AGBL4: variants seen among roughly 807,000 people sequenced by gnomAD.
The protein encoded by AGBL4 is cytosolic carboxypeptidase 6.
AGBL4 carries 58 observed loss-of-function variants against 66.4 expected under a neutral mutation model. That is an observed-to-expected ratio of 0.87 (90% CI 0.71 to 1.09). The LOEUF (loss-of-function observed/expected upper bound fraction) is 1.09, where lower values mean the gene tolerates loss of function less well. AGBL4 is among the 50% of genes least tolerant of loss of function. AGBL4 has a pLI of 0.00. For missense variants in AGBL4, 579 were observed against 631.0 expected, an observed-to-expected ratio of 0.92 and a Z score of 0.88; for synonymous variants, 234 against 222.9, an observed-to-expected ratio of 1.05 and a Z score of -0.44.
At chr1:49,750,394 ATGGT>A in intron 2 of AGBL4, among the ~76,000 whole-genome samples, 1 of 152,244 alleles carries the variant, frequency 6.6e-6, no homozygotes, top group South Asian at 2.1e-4. Context: ...CAAAGATCAG[ATGGT>A]TTTAGATGTG....
chr1:49,646,976 A>C (rs1213472975), intron 3 of AGBL4, among the ~76,000 whole-genome samples: 2 of 152,026 alleles, frequency 1.3e-5, no homozygotes, highest in Non-Finnish European at 2.9e-5. Flanking sequence ...CCAAAAAAAA[A>C]AAATCAAAAA....
rs77159356 is a variant in AGBL4, at chr1:49,161,419, C to G, written c.377+84351G>C. On this transcript the variant is annotated intron_variant, in intron 4 of 13. Transcript: ENST00000371839. ...CAGTCCCAATGAGATGAACTGGTTA[C>G]CTCAGTTGGATGCAGAAATCACCCA... Among the ~76,000 whole-genome samples the G allele has an allele frequency of 2.9e-3, 447 of 152,250 alleles. 25 individuals carry two copies. The East Asian group carries it at 0.073, about 25-fold the overall frequency.
chr1:48,858,354 T>A (rs900464963), intron 6 of AGBL4, among the ~76,000 whole-genome samples: 2 of 152,344 alleles, frequency 1.3e-5, no homozygotes, highest in Admixed American at 1.3e-4. Context: ...ATTAAAAACA[T>A]CTGTCCACAC....
At chr1:48,530,383 G>A (rs1643898863), downstream of AGBL4, among the ~76,000 whole-genome samples, 1 of 152,138 alleles carries the variant, frequency 6.6e-6, no homozygotes, top group Non-Finnish European at 1.5e-5. Context: ...CTGCACAAAT[G>A]TTAATCAGCT....
At chr1:49,556,789 G>A (rs1643912368) in intron 3 of AGBL4, among the ~76,000 whole-genome samples, 1 of 152,220 alleles carries the variant, frequency 6.6e-6, no homozygotes, top group East Asian at 1.9e-4. Context: ...CTCGTGCGGT[G>A]CAAGGGGTGG....
intron 3 of AGBL4, among the ~76,000 whole-genome samples, chr1:49,485,551 T>C (rs1302202228): frequency 6.6e-6 from 1 of 151,246 alleles, no homozygotes; most frequent in Non-Finnish European, 1.5e-5. Context: ...GGCACATGTA[T>C]ACATATGTAA....
intron 1 of AGBL4, among the ~76,000 whole-genome samples, chr1:49,934,925 C>T (rs4567322): frequency 0.69 from 104,373 of 152,078 alleles, 36,595 homozygotes; most frequent in African/African-American, 0.78. Flanking sequence ...AGGCGATTTC[C>T]GCATTTCCAT....
chr1:49,295,877 T>C (rs990923619), intron 3 of AGBL4, among the ~76,000 whole-genome samples: 2 of 152,148 alleles, frequency 1.3e-5, no homozygotes, highest in African/African-American at 4.8e-5. Flanking sequence ...ATTCTAACTC[T>C]GAAGTGTTCA....
chr1:49,815,927 G>A (rs1449618891), intron 2 of AGBL4, among the ~76,000 whole-genome samples: 1 of 151,930 alleles, frequency 6.6e-6, no homozygotes, highest in Non-Finnish European at 1.5e-5. Flanking sequence ...GTCTTACTCT[G>A]TTGCCCAGGA....
At chr1:48,973,810 G>T (rs1443740578) in intron 5 of AGBL4, among the ~76,000 whole-genome samples, 1 of 152,164 alleles carries the variant, frequency 6.6e-6, no homozygotes, top group Non-Finnish European at 1.5e-5. Context: ...CCTAGGAACT[G>T]TCATCTACAC....
chr1:49,618,983 C>A (rs1359425598), intron 3 of AGBL4, among the ~76,000 whole-genome samples: 2 of 152,048 alleles, frequency 1.3e-5, no homozygotes, highest in African/African-American at 4.8e-5. Flanking sequence ...ATAATAAGAG[C>A]TATTTATGAA....
chr1:49,209,895 G>A (rs1648533475), intron 4 of AGBL4, among the ~76,000 whole-genome samples: 1 of 152,112 alleles, frequency 6.6e-6, no homozygotes, highest in African/African-American at 2.4e-5. Context: ...AATAATCCAT[G>A]CAAGAGAATA....
chr1:48,912,797 G>A (rs59239617), intron 5 of AGBL4, among the ~76,000 whole-genome samples: 12,136 of 152,148 alleles, frequency 0.08, 659 homozygotes, highest in East Asian at 0.17. Context: ...TAGGAGCTTG[G>A]CACAACAGTT....
intron 5 of AGBL4, among the ~76,000 whole-genome samples, chr1:49,009,286 G>C (rs1662164698): frequency 6.6e-6 from 1 of 152,102 alleles, no homozygotes; most frequent in Non-Finnish European, 1.5e-5. Context: ...AGAAGAAATG[G>C]ATAAATTCCT....
chr1:49,730,415 G>A (rs1649348198), intron 2 of AGBL4, among the ~76,000 whole-genome samples: 1 of 152,092 alleles, frequency 6.6e-6, no homozygotes, highest in Admixed American at 6.5e-5. Context: ...AACCCTTCTG[G>A]GGGCCCAGAC....
intron 5 of AGBL4, among the ~76,000 whole-genome samples, chr1:48,872,466 C>T (rs915031362): frequency 6.6e-6 from 1 of 152,004 alleles, no homozygotes; most frequent in African/African-American, 2.4e-5. Flanking sequence ...CAACAAGATA[C>T]CAGTAGGATA....
chr1:49,884,668 T>C (rs1271199096), intron 1 of AGBL4, among the ~76,000 whole-genome samples: 2 of 151,662 alleles, frequency 1.3e-5, no homozygotes, highest in Non-Finnish European at 3.0e-5. Flanking sequence ...TTAAGGAAGT[T>C]AGAGATGGAG....
intron 3 of AGBL4, among the ~76,000 whole-genome samples, chr1:49,247,619 T>C (rs1651749513): frequency 6.6e-6 from 1 of 152,104 alleles, no homozygotes. Flanking sequence ...TCAGATCCAT[T>C]TCCAGTGAAC....
intron 4 of AGBL4, among the ~76,000 whole-genome samples, chr1:49,174,401 T>C (rs1007622049): frequency 6.6e-6 from 1 of 152,164 alleles, no homozygotes; most frequent in African/African-American, 2.4e-5. Flanking sequence ...TGAAGGATGT[T>C]CTCCAGGATT....
Sources: allele counts gnomAD v4.1 joint callset (sites outside exome capture counted in the v4.1 genomes callset), GRCh38; gene constraint gnomAD v4.1.1; transcripts MANE v1.5; gene names NCBI Gene and HGNC (gene_info 2026-07-23, HGNC 2026-07-21).